The following NDST3 variants were observed in gnomAD, a reference collection of about 807,000 sequenced individuals.
NDST3 encodes the protein bifunctional heparan sulfate N-deacetylase/N-sulfotransferase 3.
NDST3 carries 58 observed loss-of-function variants against 96.1 expected under a neutral mutation model. That is an observed-to-expected ratio of 0.60 (90% CI 0.49 to 0.75). The LOEUF (loss-of-function observed/expected upper bound fraction) is 0.75. Ranked by LOEUF, NDST3 falls within the 30% of genes least tolerant of loss-of-function variation. The probability of loss-of-function intolerance (pLI) is 0.00; values close to 1 mark genes in which losing one functional copy is unlikely to be tolerated. For missense variants in NDST3, 788 were observed against 1,034.2 expected, an observed-to-expected ratio of 0.76 and a Z score of 3.27; for synonymous variants, 333 against 359.7, an observed-to-expected ratio of 0.93 and a Z score of 0.84.
intron 6 of NDST3, among the ~76,000 whole-genome samples, chr4:118,212,029 T>G (rs550730510): frequency 6.6e-6 from 1 of 152,222 alleles, no homozygotes; most frequent in East Asian, 1.9e-4. Flanking sequence ...CCATTCCACT[T>G]TCCCTTGTAT....
intron 6 of NDST3, among the ~76,000 whole-genome samples, chr4:118,155,070 C>T (rs1201158771): frequency 6.6e-6 from 1 of 152,156 alleles, no homozygotes; most frequent in African/African-American, 2.4e-5. Context: ...TATCTTAATA[C>T]ATTGTATTGA....
intron 1 of NDST3, among the ~76,000 whole-genome samples, chr4:118,040,501 G>T (rs531291359): frequency 6.6e-6 from 1 of 152,118 alleles, no homozygotes; most frequent in South Asian, 2.1e-4. Context: ...GGGCTTATGT[G>T]CTTCCCACAA....
intron 2 of NDST3, among the ~76,000 whole-genome samples, chr4:118,104,561 T>C (rs1156802610): frequency 6.6e-6 from 1 of 152,184 alleles, no homozygotes. Context: ...CATTATCTTT[T>C]GGGAATCTCA....
intron 9 of NDST3, among the ~76,000 whole-genome samples, chr4:118,235,021 C>A: frequency 1.7e-5 from 1 of 58,540 alleles, no homozygotes; most frequent in African/African-American, 7.0e-5. Flanking sequence ...CAGAAGGAGA[C>A]TCCATCAAAA....
At chr4:118,202,722 C>T (rs1170952210) in intron 6 of NDST3, among the ~76,000 whole-genome samples, 3 of 152,150 alleles carry the variant, frequency 2.0e-5, no homozygotes, top group Admixed American at 1.3e-4. Flanking sequence ...TTGGCAAAGT[C>T]TTTAGGATTT....
At chr4:118,209,599 T>G (rs892723146) in intron 6 of NDST3, among the ~76,000 whole-genome samples, 8 of 152,252 alleles carry the variant, frequency 5.3e-5, no homozygotes, top group Non-Finnish European at 1.2e-4. Flanking sequence ...AGGGCTGAAC[T>G]TGCAGTTCTG....
chr4:118,213,435 A>C (rs1163684993), intron 6 of NDST3, among the ~76,000 whole-genome samples: 1 of 152,182 alleles, frequency 6.6e-6, no homozygotes, highest in Non-Finnish European at 1.5e-5. Flanking sequence ...TCAGATACCA[A>C]CTAAGATGTA....
At chr4:118,089,164 TA>T (rs796212741) in intron 2 of NDST3, among the ~76,000 whole-genome samples, 11 of 152,122 alleles carry the variant, frequency 7.2e-5, no homozygotes, top group African/African-American at 2.6e-4. Flanking sequence ...TTTGGAATTT[TA>T]AATTAAGATA....
intron 6 of NDST3, among the ~76,000 whole-genome samples, chr4:118,179,002 T>C (rs1353698367): frequency 1.3e-5 from 2 of 152,076 alleles, no homozygotes; most frequent in East Asian, 3.9e-4. Flanking sequence ...AGGACAGCAA[T>C]AGCAATAGCC....
At chr4:118,112,549 T>A (rs1174661863) in intron 3 of NDST3, among the ~76,000 whole-genome samples, 3 of 152,210 alleles carry the variant, frequency 2.0e-5, no homozygotes, top group Non-Finnish European at 4.4e-5. Context: ...ACTAATACAG[T>A]GTCCTGGAGA....
chr4:118,095,654 G>T (rs1249456921), intron 2 of NDST3, among the ~76,000 whole-genome samples: 1 of 150,876 alleles, frequency 6.6e-6, no homozygotes, highest in Admixed American at 6.6e-5. Flanking sequence ...TCACAGTATT[G>T]TGCCACTACA....
intron 4 of NDST3, among the ~76,000 whole-genome samples, chr4:118,129,018 G>A (rs1732368015): frequency 1.3e-5 from 2 of 151,926 alleles, no homozygotes; most frequent in Admixed American, 6.6e-5. Flanking sequence ...AATTTCGGCA[G>A]TATCAGTTGT....
chr4:118,229,693 A>G (rs1341152296), intron 8 of NDST3, among the ~76,000 whole-genome samples: 1 of 152,210 alleles, frequency 6.6e-6, no homozygotes, highest in African/African-American at 2.4e-5. Flanking sequence ...AAGATTCAGA[A>G]AAGAATGTTT....
chr4:118,086,169 C>T (rs1047641676), intron 2 of NDST3, among the ~76,000 whole-genome samples: 5 of 152,160 alleles, frequency 3.3e-5, no homozygotes, highest in African/African-American at 1.2e-4. Context: ...GTCCCTTTCA[C>T]GCAATGTACT....
chr4:118,181,432 A>C (rs1356833871), intron 6 of NDST3, among the ~76,000 whole-genome samples: 1 of 152,174 alleles, frequency 6.6e-6, no homozygotes, highest in African/African-American at 2.4e-5. Context: ...GAAGTTCCAC[A>C]TTATCTTCAG....
intron 6 of NDST3, among the ~76,000 whole-genome samples, chr4:118,180,518 C>A (rs1736542672): frequency 6.6e-6 from 1 of 152,192 alleles, no homozygotes; most frequent in South Asian, 2.1e-4. Context: ...ACTTAGGAGA[C>A]AATTCAGTAG....
At chr4:118,046,669 A>C (rs1724779666) in intron 1 of NDST3, among the ~76,000 whole-genome samples, 1 of 152,090 alleles carries the variant, frequency 6.6e-6, no homozygotes, top group South Asian at 2.1e-4. Flanking sequence ...AACTCCAAGT[A>C]CCTGAAGGAT....
At chr4:118,195,767 T>C (rs1737642283) in intron 6 of NDST3, among the ~76,000 whole-genome samples, 1 of 152,246 alleles carries the variant, frequency 6.6e-6, no homozygotes, top group African/African-American at 2.4e-5. Context: ...CTTTGGGTTT[T>C]CCCAAATATA....
In NDST3 at chr4:118,245,198, T is replaced by C. The variant is rs72919210; in HGVS notation, c.2399+3049T>C. 7.5e-3 allele frequency among the ~76,000 whole-genome samples: 1,150 copies of C among 152,342 alleles called. 12 individuals are homozygous for C. Among genetic ancestry groups the C allele is most frequent in the African/African-American group, 0.026 (1,093 of 41,584 alleles). ...CTTTTAGTTTTGCCATGAATACATC[T>C]GTTCACAATAATACCTAGCCATCAA... On this transcript the variant is annotated intron_variant, in intron 12 of 13. Transcript: ENST00000296499.
Sources: allele counts gnomAD v4.1 joint callset (sites outside exome capture counted in the v4.1 genomes callset), GRCh38; gene constraint gnomAD v4.1.1; transcripts MANE v1.5; gene names NCBI Gene and HGNC (gene_info 2026-07-23, HGNC 2026-07-21).